CNIH3: variants seen among roughly 807,000 people sequenced by gnomAD.
CNIH3 encodes the protein protein cornichon homolog 3.
A neutral mutation model predicts 24.1 loss-of-function variants in CNIH3; 14 were observed. The ratio of observed to expected loss-of-function variants is 0.58; its 90% CI spans 0.38 to 0.91. CNIH3 has a LOEUF of 0.91. Ranked by LOEUF, CNIH3 falls within the 40% of genes least tolerant of loss-of-function variation. CNIH3 has a pLI of 0.00. For synonymous variants in CNIH3, 68 were observed against 73.8 expected, an observed-to-expected ratio of 0.92 and a Z score of 0.40; for missense variants, 178 against 196.8, an observed-to-expected ratio of 0.90 and a Z score of 0.57.
chr1:224,503,925 C>G (rs1036717583), intron 1 of CNIH3, among the ~76,000 whole-genome samples: 17 of 152,224 alleles, frequency 1.1e-4, no homozygotes, highest in Non-Finnish European at 2.1e-4. Flanking sequence ...GACAGAGACG[C>G]CCTCAGGCCT....
chr1:224,527,226 G>T (rs1373937961), intron 2 of CNIH3, among the ~76,000 whole-genome samples: 2 of 152,166 alleles, frequency 1.3e-5, no homozygotes, highest in African/African-American at 4.8e-5. Flanking sequence ...CCAGGGGCTT[G>T]TACTGCTGAG....
At chr1:224,536,592 A>C (rs1679296513) in intron 2 of CNIH3, among the ~76,000 whole-genome samples, 1 of 152,112 alleles carries the variant, frequency 6.6e-6, no homozygotes, top group African/African-American at 2.4e-5. Context: ...TGCCTGGCCC[A>C]TAATTGTTTT....
At chr1:224,584,446 A>C (rs992789366) in intron 5 of CNIH3, among the ~76,000 whole-genome samples, 2 of 152,246 alleles carry the variant, frequency 1.3e-5, no homozygotes, top group African/African-American at 4.8e-5. Flanking sequence ...TAGAAAAATA[A>C]ATAACCAGTT....
intron 1 of CNIH3, among the ~76,000 whole-genome samples, chr1:224,517,046 GATGTCCAGGT>G (rs1678418636): frequency 6.6e-6 from 1 of 152,166 alleles, no homozygotes; most frequent in African/African-American, 2.4e-5. Flanking sequence ...TGCATACTGT[GATGTCCAGGT>G]ATGGCTGTTC....
chr1:224,548,111 A>G (rs1027660895), intron 3 of CNIH3, among the ~76,000 whole-genome samples: 2 of 151,708 alleles, frequency 1.3e-5, no homozygotes, highest in African/African-American at 2.4e-5. Flanking sequence ...TTTATAACGT[A>G]TAAGGGAGAT....
At chr1:224,685,656 A>C (rs1024575192) in intron 3 of CNIH3, among the ~76,000 whole-genome samples, 1 of 152,222 alleles carries the variant, frequency 6.6e-6, no homozygotes, top group African/African-American at 2.4e-5. Flanking sequence ...TAGGACAGAA[A>C]TAAAATGTTA....
chr1:224,445,775 C>T (rs930612125), intron 1 of CNIH3, among the ~76,000 whole-genome samples: 36 of 152,170 alleles, frequency 2.4e-4, no homozygotes, highest in African/African-American at 8.7e-4. Flanking sequence ...CATCAGTTCT[C>T]TTTATGGTTT....
chr1:224,540,964 T>A (rs1465742812), downstream of CNIH3, among the ~76,000 whole-genome samples: 1 of 152,190 alleles, frequency 6.6e-6, no homozygotes, highest in East Asian at 1.9e-4. Context: ...ACGCATTTTC[T>A]TATAAAAATG....
chr1:224,442,253 C>T (rs1005430155), intron 1 of CNIH3, among the ~76,000 whole-genome samples: 2 of 152,110 alleles, frequency 1.3e-5, no homozygotes, highest in South Asian at 2.1e-4. Context: ...TCAAATAATT[C>T]TCCCGCCTCA....
intron 1 of CNIH3, among the ~76,000 whole-genome samples, chr1:224,670,803 A>G (rs1356759728): frequency 2.6e-5 from 4 of 152,264 alleles, no homozygotes; most frequent in African/African-American, 9.6e-5. Context: ...AGCCTGTGAC[A>G]GTCCCTAGTA....
chr1:224,627,763 G>C (rs1261521808), intron 1 of CNIH3, among the ~76,000 whole-genome samples: 1 of 152,168 alleles, frequency 6.6e-6, no homozygotes, highest in African/African-American at 2.4e-5. Context: ...GAGGCTCAGG[G>C]GCCCGGGGTG....
At chr1:224,640,456 G>A (rs1380950174) in intron 1 of CNIH3, among the ~76,000 whole-genome samples, 1 of 152,208 alleles carries the variant, frequency 6.6e-6, no homozygotes, top group Non-Finnish European at 1.5e-5. Flanking sequence ...CCCTTTCTTT[G>A]CAGAGGAGGT....
intron 1 of CNIH3, among the ~76,000 whole-genome samples, chr1:224,516,513 G>T (rs1284548613): frequency 6.6e-6 from 1 of 152,104 alleles, no homozygotes; most frequent in Non-Finnish European, 1.5e-5. Context: ...TCAAAGCCTA[G>T]CTCAATGCTA....
chr1:224,603,710 T>C (rs925107848), intron 3 of CNIH3, among the ~76,000 whole-genome samples: 1 of 152,178 alleles, frequency 6.6e-6, no homozygotes, highest in Non-Finnish European at 1.5e-5. Flanking sequence ...TTATTTTGTA[T>C]TGAAGAAATA....
At chr1:224,438,189 G>C in intron 1 of CNIH3, among the ~76,000 whole-genome samples, 1 of 151,580 alleles carries the variant, frequency 6.6e-6, no homozygotes, top group East Asian at 1.9e-4. Flanking sequence ...CTCCCAAAAT[G>C]CTGGGATTAC....
At chr1:224,437,819 G>GT (rs1674727349) in intron 1 of CNIH3, among the ~76,000 whole-genome samples, 1 of 151,952 alleles carries the variant, frequency 6.6e-6, no homozygotes, top group African/African-American at 2.4e-5. Flanking sequence ...TTTGAAAAAC[G>GT]TTCCTATAAG....
chr1:224,645,643 G>A (rs892785793), intron 1 of CNIH3, among the ~76,000 whole-genome samples: 13 of 152,188 alleles, frequency 8.5e-5, no homozygotes, highest in African/African-American at 2.9e-4. Flanking sequence ...GGCTCAGCCC[G>A]GAAGGCTGTG....
intron 3 of CNIH3, among the ~76,000 whole-genome samples, chr1:224,729,011 A>G (rs1289878595): frequency 3.3e-5 from 5 of 152,162 alleles, no homozygotes; most frequent in Admixed American, 3.3e-4. Flanking sequence ...CAATGGATAG[A>G]TTATGGAAAG....
chr1:224,731,806 G>A (rs1233831208), intron 4 of CNIH3, among the ~76,000 whole-genome samples: 2 of 152,228 alleles, frequency 1.3e-5, no homozygotes, highest in Non-Finnish European at 2.9e-5. Context: ...CCAGGGCGAG[G>A]GCCCAGCATG....
Sources: allele counts gnomAD v4.1 joint callset (sites outside exome capture counted in the v4.1 genomes callset), GRCh38; gene constraint gnomAD v4.1.1; transcripts MANE v1.5; gene names NCBI Gene and HGNC (gene_info 2026-07-23, HGNC 2026-07-21).